TBC1D14: variants seen among roughly 807,000 people sequenced by gnomAD.
The protein encoded by TBC1D14 is TBC1 domain family member 14.
Under a neutral mutation model 79.0 loss-of-function variants are expected in TBC1D14, and 26 were observed. The observed-to-expected ratio is 0.33, with a 90% CI of 0.24 to 0.46. The LOEUF (loss-of-function observed/expected upper bound fraction) is 0.46, where lower values mean the gene tolerates loss of function less well. TBC1D14 is among the 20% of genes least tolerant of loss of function. TBC1D14 has a pLI of 1.00. For missense variants in TBC1D14, 769 were observed against 887.6 expected (o/e 0.87, Z 1.70); for synonymous variants, 394 against 349.9 (o/e 1.13, Z -1.40).
At chr4:6,982,838 A>G (rs1157862375) in intron 3 of TBC1D14, among the ~76,000 whole-genome samples, 1 of 152,204 alleles carries the variant, frequency 6.6e-6, no homozygotes, top group African/African-American at 2.4e-5. Flanking sequence ...CTATGTGGCT[A>G]AAGATACACA....
intron 3 of TBC1D14, among the ~76,000 whole-genome samples, chr4:6,977,974 C>T (rs1452290626): frequency 2.6e-5 from 4 of 151,560 alleles, no homozygotes; most frequent in Non-Finnish European, 4.4e-5. Flanking sequence ...GCAACCGCCC[C>T]GTCTGAGAAG....
In TBC1D14 at chr4:7,004,831, G is replaced by T; in HGVS notation, c.1271-13G>T. ...ATGTGCACGTAATACTTACCCAGAG[G>T]CTTTTCTTCCAGAGCTCTTTGACAT... On this transcript the variant is annotated splice_polypyrimidine_tract_variant and intron_variant, in intron 7 of 13. Transcript: ENST00000409757. 6.2e-7 allele frequency: 1 copy of T among 1,613,996 alleles called. No individual in the cohort carries two copies. Among genetic ancestry groups the T allele is most frequent in the Non-Finnish European group, 8.5e-7 (1 of 1,179,920 alleles).
Position 6,999,091 on chromosome 4 carries a change from A to T in TBC1D14, c.1052A>T (p.Lys351Ile). Reference sequence around the variant, plus strand: ...TCTAAATTGTGATTTCTAGAGCTGAAAGAAGCCCAGCGAAGGAAGAAGCAG... The same window carrying T: ...TCTAAATTGTGATTTCTAGAGCTGATAGAAGCCCAGCGAAGGAAGAAGCAG... ...MVVQAKKREL[K>I]EAQRRKKQLE... is the part of the protein sequence containing the mutation. The change falls in exon 6 of 14, where the codon AAA becomes ATA. Residue 351 changes from lysine to isoleucine, a missense_variant. Lys to Ile is a moderately radical substitution (Grantham distance 102). Coordinates refer to ENST00000409757, the MANE Select transcript of TBC1D14 (RefSeq NM_020773.3). The T allele has an allele frequency of 6.2e-7, 1 of 1,614,118 alleles. No individual in the cohort carries two copies. The highest frequency in any genetic ancestry group is 8.5e-7 in the Non-Finnish European group (1 of 1,179,956).
intron 6 of TBC1D14, among the ~76,000 whole-genome samples, chr4:6,999,728 C>T (rs1719467748): frequency 6.6e-6 from 1 of 152,010 alleles, no homozygotes; most frequent in Non-Finnish European, 1.5e-5. Flanking sequence ...CTCTCCAAAG[C>T]TCAGGGAAGA....
intron 9 of TBC1D14, among the ~76,000 whole-genome samples, chr4:7,008,389 G>T (rs1433663275): frequency 1.3e-5 from 2 of 152,180 alleles, no homozygotes; most frequent in Non-Finnish European, 2.9e-5. Flanking sequence ...GGAGAACTGT[G>T]TCCAAAAGCA....
At chr4:6,920,849 G>A (rs918437779) in intron 1 of TBC1D14, among the ~76,000 whole-genome samples, 3 of 152,158 alleles carry the variant, frequency 2.0e-5, no homozygotes, top group East Asian at 1.9e-4. Context: ...CGCGATCTCC[G>A]CTCACTGCAA....
intron 2 of TBC1D14, among the ~76,000 whole-genome samples, chr4:6,949,513 T>C (rs1457329330): frequency 6.6e-6 from 1 of 152,114 alleles, no homozygotes. Context: ...CAAAACTCCA[T>C]CTCTATTAAA....
At chr4:6,927,819 A>G (rs898959300) in intron 2 of TBC1D14, among the ~76,000 whole-genome samples, 7 of 152,232 alleles carry the variant, frequency 4.6e-5, no homozygotes, top group Admixed American at 2.0e-4. Context: ...CTTTGAGAAT[A>G]AGTGTTGGGA....
chr4:6,996,424 T>G lies in TBC1D14; in HGVS notation c.1045+17T>G. The G allele has an allele frequency of 6.3e-7, 1 of 1,593,610 alleles. No individual in the cohort carries two copies. The highest frequency in any genetic ancestry group is 8.6e-7 in the Non-Finnish European group (1 of 1,161,858). ...AAAAGCGAGGTAATGGGGTTCACAC[T>G]TGATGGGTTAAATCAGGCAGCACAG... On this transcript the variant is annotated intron_variant, in intron 5 of 13. Coordinates refer to ENST00000409757, the MANE Select transcript of TBC1D14 (RefSeq NM_020773.3).
chr4:6,963,707 C>T (rs183379976), intron 2 of TBC1D14, among the ~76,000 whole-genome samples: 1 of 152,278 alleles, frequency 6.6e-6, no homozygotes, highest in Non-Finnish European at 1.5e-5. Context: ...CTCTAACCCA[C>T]AAAAAAATAT....
intron 12 of TBC1D14, among the ~76,000 whole-genome samples, chr4:7,018,425 G>C (rs1721489536): frequency 6.6e-6 from 1 of 152,142 alleles, no homozygotes; most frequent in Non-Finnish European, 1.5e-5. Flanking sequence ...CACCAAACCT[G>C]CTCCCCACCG....
intron 2 of TBC1D14, among the ~76,000 whole-genome samples, chr4:6,930,118 G>C (rs1395009190): frequency 6.6e-6 from 1 of 152,222 alleles, no homozygotes; most frequent in Non-Finnish European, 1.5e-5. Context: ...TTGGAACTGT[G>C]ATGCTCTGCA....
intron 12 of TBC1D14, among the ~76,000 whole-genome samples, chr4:7,024,718 C>T (rs921693250): frequency 6.6e-5 from 10 of 152,220 alleles, no homozygotes; most frequent in African/African-American, 1.9e-4. Flanking sequence ...GCCCCCACAG[C>T]GTGAGCACAC....
intron 1 of TBC1D14, among the ~76,000 whole-genome samples, chr4:6,914,534 C>T (rs962040806): frequency 6.6e-6 from 1 of 152,182 alleles, no homozygotes; most frequent in African/African-American, 2.4e-5. Flanking sequence ...TCAGGCTAGC[C>T]CGGCACAGCT....
intron 2 of TBC1D14, among the ~76,000 whole-genome samples, chr4:6,936,615 A>G (rs148650372): frequency 2.9e-3 from 446 of 152,344 alleles, no homozygotes; most frequent in African/African-American, 0.01. Flanking sequence ...TTGTGTGGAC[A>G]TAAGTTTTCA....
chr4:6,952,134 C>T (rs1043068002), intron 2 of TBC1D14, among the ~76,000 whole-genome samples: 2 of 152,158 alleles, frequency 1.3e-5, no homozygotes, highest in African/African-American at 4.8e-5. Flanking sequence ...TTAAGTAGGA[C>T]AGCAGGAATC....
chr4:6,967,230 T>G (rs150935665), intron 2 of TBC1D14, 74 bp from the exon 3 acceptor site: 27,340 of 1,556,674 alleles, frequency 0.018, 302 homozygotes, highest in Middle Eastern at 0.03. Context: ...TTGTTTTTAT[T>G]AGAGTGGTTC....
chr4:6,962,523 G>A (rs1257758719), intron 2 of TBC1D14, among the ~76,000 whole-genome samples: 1 of 152,138 alleles, frequency 6.6e-6, no homozygotes, highest in Non-Finnish European at 1.5e-5. Context: ...AGTAGAGTGA[G>A]TGCTTTTTCT....
chr4:6,952,757 G>C (rs1714158935), intron 2 of TBC1D14, among the ~76,000 whole-genome samples: 1 of 152,142 alleles, frequency 6.6e-6, no homozygotes, highest in Non-Finnish European at 1.5e-5. Context: ...TTCTGCAGGG[G>C]CTAGTTGACA....
Sources: allele counts gnomAD v4.1 joint callset (sites outside exome capture counted in the v4.1 genomes callset), GRCh38; gene constraint gnomAD v4.1.1; transcripts MANE v1.5; gene names NCBI Gene and HGNC (gene_info 2026-07-23, HGNC 2026-07-21).